ARHGAP6: variants seen among roughly 807,000 people sequenced by gnomAD.
ARHGAP6 encodes the protein rho GTPase-activating protein 6.
ARHGAP6 carries 16 observed loss-of-function variants against 55.7 expected under a neutral mutation model. The observed-to-expected ratio is 0.29, with a 90% CI of 0.19 to 0.44. The LOEUF (loss-of-function observed/expected upper bound fraction) is 0.44. ARHGAP6 is among the 20% of genes least tolerant of loss of function. ARHGAP6 has a pLI of 1.00. For missense variants in ARHGAP6, 698 were observed against 808.9 expected (o/e 0.86, Z 1.66); for synonymous variants, 382 against 360.9 (o/e 1.06, Z -0.66).
intron 1 of ARHGAP6, among the ~76,000 whole-genome samples, chrX:11,365,390 G>A (rs894431987): frequency 3.6e-5 from 4 of 111,921 alleles, no homozygotes; most frequent in African/African-American, 1.3e-4. Flanking sequence ...AAATTCATTC[G>A]ACCTATCCAG....
At chrX:11,359,211 T>G (rs915085029) in intron 1 of ARHGAP6, among the ~76,000 whole-genome samples, 5 of 112,072 alleles carry the variant, frequency 4.5e-5, no homozygotes, top group African/African-American at 1.6e-4. Flanking sequence ...CAGAAACATT[T>G]TCTGCTCACT....
chrX:11,182,380 C>T (rs775013118), intron 5 of ARHGAP6, among the ~76,000 whole-genome samples: 12 of 111,565 alleles, frequency 1.1e-4, no homozygotes, highest in Non-Finnish European at 2.1e-4. Flanking sequence ...CTAATCTTCT[C>T]CTTATCAGAG....
At chrX:11,448,161 A>G (rs2050110543) in intron 1 of ARHGAP6, among the ~76,000 whole-genome samples, 1 of 112,450 alleles carries the variant, frequency 8.9e-6, no homozygotes, top group Non-Finnish European at 1.9e-5. Context: ...TAATTGTACC[A>G]CTTGGAAATC....
intron 3 of ARHGAP6, among the ~76,000 whole-genome samples, chrX:11,194,292 C>T (rs1362509405): frequency 8.9e-6 from 1 of 112,362 alleles, no homozygotes; most frequent in Non-Finnish European, 1.9e-5. Flanking sequence ...ACCCTTAGCC[C>T]TCATTATTCC....
intron 1 of ARHGAP6, among the ~76,000 whole-genome samples, chrX:11,553,555 A>G (rs66888147): frequency 0.15 from 16,449 of 111,428 alleles, 996 homozygotes; most frequent in Middle Eastern, 0.22. Flanking sequence ...AACGTTTTAA[A>G]TAAGAGCTAT....
intron 1 of ARHGAP6, among the ~76,000 whole-genome samples, chrX:11,429,328 G>T (rs1275284868): frequency 9.0e-6 from 1 of 111,645 alleles, no homozygotes; most frequent in East Asian, 2.8e-4. Flanking sequence ...TACCAAAGTG[G>T]GAAGGTGGTA....
At position 11,664,441 on chromosome X, in the gene ARHGAP6, C is replaced by T; in HGVS notation, c.388G>A (p.Gly130Ser). Residue 130 changes from glycine (G) to serine (S), a missense_variant, in exon 1 of 13, where the codon GGC (glycine) becomes AGC (serine). By Grantham distance (56) the Gly-to-Ser change is moderately conservative (BLOSUM62 0). This residue lies in a region of ARHGAP6 where 164 missense variants were observed against 149.2 expected (regional missense o/e 1.10). Transcript: ENST00000337414. The stretch of plus-strand genomic sequence containing the variant: ...TCCCAGGCCATGCTCTTCTTGAGGC[C>T]GCCGCGACCCAGGGGAACCTCATAG... The part of the protein sequence containing the change: ...FDYEVPLGRG[G>S]LKKSMAWDLP... 1.7e-6 allele frequency: 2 copies of T among 1,211,667 alleles called. No individual in the cohort carries two copies. Among genetic ancestry groups the T allele is most frequent in the Non-Finnish European group, 2.2e-6 (2 of 895,333 alleles).
chrX:11,571,953 C>A (rs1436186558), intron 1 of ARHGAP6, among the ~76,000 whole-genome samples: 2 of 109,937 alleles, frequency 1.8e-5, no homozygotes, highest in South Asian at 7.9e-4. Flanking sequence ...CATACCATTG[C>A]TGGCTTTCAA....
intron 3 of ARHGAP6, among the ~76,000 whole-genome samples, chrX:11,194,002 C>T (rs1263957553): frequency 8.9e-6 from 1 of 112,232 alleles, no homozygotes. Context: ...GTATTTGAAT[C>T]CCAATATCAA....
intron 2 of ARHGAP6, among the ~76,000 whole-genome samples, chrX:11,220,698 T>C (rs1355267950): frequency 2.7e-5 from 3 of 109,583 alleles, no homozygotes; most frequent in African/African-American, 1.0e-4. Flanking sequence ...GTAAAGACCA[T>C]CGAGACTAGG....
At chrX:11,443,384 C>T (rs1314474683) in intron 1 of ARHGAP6, among the ~76,000 whole-genome samples, 1 of 112,008 alleles carries the variant, frequency 8.9e-6, no homozygotes, top group Non-Finnish European at 1.9e-5. Context: ...GGTGAATATA[C>T]GTAGGCATTT....
intron 1 of ARHGAP6, among the ~76,000 whole-genome samples, chrX:11,489,786 G>A (rs755873866): frequency 1.3e-4 from 14 of 111,982 alleles, no homozygotes; most frequent in African/African-American, 4.2e-4. Context: ...CCCATGCTGT[G>A]CTTGAACACT....
intron 1 of ARHGAP6, among the ~76,000 whole-genome samples, chrX:11,482,770 C>A (rs1307965798): frequency 2.8e-5 from 3 of 108,459 alleles, no homozygotes; most frequent in Non-Finnish European, 3.8e-5. Context: ...CTTCCAGAAT[C>A]TCTTTTGCCT....
chrX:11,138,529 A>G lies in ARHGAP6; in HGVS notation c.*334T>C, dbSNP rs1157604217. 1.1e-5 allele frequency: 3 copies of G among 277,525 alleles called. No individual in the cohort carries two copies. The highest frequency in any genetic ancestry group is 7.4e-5 in the South Asian group (1 of 13,551). 22.9% of individuals were successfully genotyped at this position (277,525 alleles called of 1,213,427 possible). On this transcript the variant is annotated 3_prime_UTR_variant, in exon 13 of 13. Coordinates refer to ENST00000337414, the MANE Select transcript of ARHGAP6 (RefSeq NM_013427.3). The stretch of plus-strand genomic sequence containing the variant: ...TACATAATCTGTTACAGAATACACA[A>G]TAGTCAAAACCGAAGACACATAAAT...
chrX:11,344,709 A>G (rs1038356098), intron 1 of ARHGAP6, among the ~76,000 whole-genome samples: 1 of 103,645 alleles, frequency 9.6e-6, no homozygotes, highest in Non-Finnish European at 2.0e-5. Flanking sequence ...AAAAAAGAAA[A>G]GAAAGAAAAG....
At chrX:11,649,126 C>T (rs1226099948) in intron 1 of ARHGAP6, among the ~76,000 whole-genome samples, 1 of 112,062 alleles carries the variant, frequency 8.9e-6, no homozygotes, top group Non-Finnish European at 1.9e-5. Context: ...TGGGCTGGCC[C>T]TGTGACTCAC....
At chrX:11,373,375 A>T (rs375129647) in intron 1 of ARHGAP6, among the ~76,000 whole-genome samples, 1 of 109,914 alleles carries the variant, frequency 9.1e-6, no homozygotes, top group East Asian at 2.8e-4. Flanking sequence ...AGTTCATAAA[A>T]AAGACATTGT....
intron 1 of ARHGAP6, among the ~76,000 whole-genome samples, chrX:11,282,701 G>A (rs2047872711): frequency 8.9e-6 from 1 of 111,734 alleles, no homozygotes; most frequent in Non-Finnish European, 1.9e-5. Context: ...CTTCCCCAGG[G>A]GATTCAAAAA....
At chrX:11,208,356 G>A (rs1329577696) in intron 2 of ARHGAP6, among the ~76,000 whole-genome samples, 4 of 111,402 alleles carry the variant, frequency 3.6e-5, no homozygotes, top group Non-Finnish European at 5.6e-5. Flanking sequence ...TCAAAAGCCC[G>A]GGTTGTTGAA....
Sources: allele counts gnomAD v4.1 joint callset (sites outside exome capture counted in the v4.1 genomes callset), GRCh38; gene constraint gnomAD v4.1.1; regional missense constraint gnomAD v4.1.1; transcripts MANE v1.5; gene names NCBI Gene and HGNC (gene_info 2026-07-23, HGNC 2026-07-21).